The following GAREM2 variants were observed in gnomAD, a reference collection of about 807,000 sequenced individuals.
GAREM2 encodes GRB2-associated and regulator of MAPK protein 2.
In GAREM2, 30 loss-of-function variants were observed where a neutral mutation model predicts 55.6. The ratio of observed to expected loss-of-function variants is 0.54; its 90% CI spans 0.40 to 0.73. The LOEUF is 0.73. Ranked by LOEUF, GAREM2 falls within the 30% of genes least tolerant of loss-of-function variation. GAREM2 has a pLI of 0.00. For synonymous variants in GAREM2, 550 were observed against 569.1 expected, an observed-to-expected ratio of 0.97 and a Z score of 0.48; for missense variants, 1,075 against 1,257.7, an observed-to-expected ratio of 0.85 and a Z score of 2.20.
the GAREM2 span, among the ~76,000 whole-genome samples, chr2:26,198,619 T>C: frequency 2.0e-4 from 30 of 149,948 alleles, no homozygotes; most frequent in African/African-American, 7.4e-4. Context: ...GAGTACAAAA[T>C]AAGATTATAA....
At chr2:26,182,434 C>G (rs745917905) in intron 2 of GAREM2, 3 of 1,550,334 alleles carry the variant, frequency 1.9e-6, no homozygotes, top group South Asian at 2.4e-5. Context: ...CCCTGGTTGG[C>G]CCAGTGCCAC....
rs1164078385 is a variant in GAREM2, at chr2:26,185,275, C to A, written c.1427C>A (p.Ala476Glu). The change falls in exon 4 of 6, where the codon GCG (alanine) becomes GAG (glutamate). Residue 476 changes from alanine to glutamate, a missense_variant and splice_region_variant. By Grantham distance (107) the Ala-to-Glu change is moderately radical (BLOSUM62 -1). Around this residue, in one of 6 missense-constraint regions of GAREM2, gnomAD observed 515 missense variants for 501.5 expected, o/e 1.03. Coordinates refer to ENST00000401533, the MANE Select transcript of GAREM2 (RefSeq NM_001168241.2). ...PPPPVPPKSE[A>E]VKEECRLLNA... Reference sequence around the variant, plus strand: ...CCTCCAGTCCCTCCCAAATCCGAGGCGGTGAGTGAGCGCGCTGGGGGCCGA... The same window carrying A: ...CCTCCAGTCCCTCCCAAATCCGAGGAGGTGAGTGAGCGCGCTGGGGGCCGA... 1 of 1,513,262 alleles carries A rather than the reference C, an allele frequency of 6.6e-7. No homozygotes were observed. The highest frequency in any genetic ancestry group is 2.6e-5 in the East Asian group (1 of 38,110). 93.7% of individuals were successfully genotyped at this position (1,513,262 alleles called of 1,614,324 possible). A position where few individuals can be genotyped will look rare whatever the true frequency, so the allele number is the denominator to read the frequency against.
downstream of GAREM2, among the ~76,000 whole-genome samples, chr2:26,193,293 CTT>C (rs370942158): frequency 4.3e-5 from 5 of 115,162 alleles, no homozygotes; most frequent in Admixed American, 9.6e-5. Context: ...CACATGACAT[CTT>C]TTTTTTTTTT....
At chr2:26,180,323 GTGTTCATGC>G (rs1340832450) in intron 2 of GAREM2, among the ~76,000 whole-genome samples, 1 of 152,216 alleles carries the variant, frequency 6.6e-6, no homozygotes, top group African/African-American at 2.4e-5. Context: ...AATTGTGTGT[GTGTTCATGC>G]TAGGAGCACA....
At chr2:26,192,398 T>C (rs545660610), downstream of GAREM2, 51 of 1,601,936 alleles carry the variant, frequency 3.2e-5, no homozygotes, top group Non-Finnish European at 3.9e-5. Context: ...TCCTGATAGA[T>C]GTAAAAGCCC....
intron 4 of GAREM2, among the ~76,000 whole-genome samples, chr2:26,185,908 G>T (rs917213269): frequency 1.3e-5 from 2 of 152,054 alleles, no homozygotes; most frequent in Non-Finnish European, 2.9e-5. Flanking sequence ...AACCTGTTTT[G>T]ATCTACCTTT....
rs1197553564 is a variant in GAREM2 at position 26,184,568 on chromosome 2, C to T, written c.720C>T (p.Arg240=). 1.9e-5 allele frequency: 30 copies of T among 1,548,016 alleles called. No individual in the cohort carries two copies. Among genetic ancestry groups the T allele is most frequent in the Non-Finnish European group, 8.7e-6 (10 of 1,146,006 alleles). ...AGTGCCAGGGCCGCTTCAGCACTCG[C>T]AGCCCGCTGGAGCTGCAGATGCAAG... is the stretch of plus-strand genomic sequence containing the variant. ...PFQCQGRFST[R]SPLELQMQEG... The change falls in exon 4 of 6, where the codon CGC becomes CGT. Residue 240 remains arginine (R), a synonymous_variant. Transcript: ENST00000401533.
At chr2:26,193,490 C>T (rs537946034), downstream of GAREM2, 89 of 1,125,958 alleles carry the variant, frequency 7.9e-5, no homozygotes, top group Admixed American at 2.9e-4. Flanking sequence ...CTTTCTTCCA[C>T]GAGGGCTTCT....
At position 26,184,909 on chromosome 2, in the gene GAREM2, C is replaced by A; in HGVS notation, c.1061C>A (p.Pro354His). 1 of 1,444,842 alleles carries A rather than the reference C, an allele frequency of 6.9e-7. No individual in the cohort carries two copies. Among genetic ancestry groups the A allele is most frequent in the Admixed American group, 2.9e-5 (1 of 35,038 alleles). 89.5% of individuals were successfully genotyped at this position (1,444,842 alleles called of 1,614,324 possible). ...TCCTACTGCCGCGAGCGCTTCGACC[C>A]CGACGAGTACTCCACGGCCGTGCGC... ...SASYCRERFD[P>H]DEYSTAVREA... The change falls in exon 4 of 6, where the codon CCC becomes CAC. Residue 354 changes from proline (P) to histidine (H), a missense_variant. Physicochemically the swap from Pro to His is moderately conservative, Grantham distance 77. This residue lies in a region of GAREM2 where 170 missense variants were observed against 220.7 expected (regional missense o/e 0.77). Transcript: ENST00000401533.
intron 2 of GAREM2, among the ~76,000 whole-genome samples, chr2:26,178,621 AAAG>A (rs1174059815): frequency 1.3e-5 from 2 of 152,178 alleles, no homozygotes; most frequent in African/African-American, 4.8e-5. Flanking sequence ...GAAAAGAGAA[AAAG>A]AAAGGTTGGG....
the GAREM2 span, among the ~76,000 whole-genome samples, chr2:26,198,795 A>C: frequency 6.6e-6 from 1 of 152,050 alleles, no homozygotes; most frequent in Non-Finnish European, 1.5e-5. Context: ...AACAACTATA[A>C]TCCCAACACT....
At chr2:26,191,140 C>A, downstream of GAREM2, 1 of 1,106,986 alleles carries the variant, frequency 9.0e-7, no homozygotes, top group Non-Finnish European at 1.4e-6. Flanking sequence ...AACCCAGTGC[C>A]GGAGTTTGTC....
Position 26,189,014 on chromosome 2 carries a change from A to C in GAREM2, c.*757A>C, listed in dbSNP as rs1288677542. 1 of 152,194 alleles carries C rather than the reference A, an allele frequency of 6.6e-6. No homozygotes were observed. Among genetic ancestry groups the C allele is most frequent in the Non-Finnish European group, 1.5e-5 (1 of 68,052 alleles). The allele number at this position is 152,194 out of a possible 1,614,324, so 9.4% of individuals were successfully genotyped here. Reference sequence around the variant, plus strand: ...CTTCTGCTCTGACTTTACTGCAGCTAGTCATCCATCCGTCAGGTGGCGTTC... The same window carrying C: ...CTTCTGCTCTGACTTTACTGCAGCTCGTCATCCATCCGTCAGGTGGCGTTC... On this transcript the variant is annotated 3_prime_UTR_variant, in exon 6 of 6. Coordinates refer to ENST00000401533, the MANE Select transcript of GAREM2 (RefSeq NM_001168241.2).
intron 5 of GAREM2, among the ~76,000 whole-genome samples, chr2:26,186,801 C>T (rs1669273838): frequency 6.6e-6 from 1 of 152,170 alleles, no homozygotes; most frequent in African/African-American, 2.4e-5. Context: ...CATGGCGAAA[C>T]TCCATGTCTT....
rs1574594410 is a variant in GAREM2, at chr2:26,186,220, C to T, written c.1460C>T (p.Pro487Leu). 1.3e-6 allele frequency: 2 copies of T among 1,540,340 alleles called. No individual in the cohort carries two copies. The highest frequency in any genetic ancestry group is 2.4e-5 in the South Asian group (2 of 82,166). Residue 487 changes from proline to leucine, a missense_variant, in exon 5 of 6, where the codon CCT (proline) becomes CTT (leucine). Pro to Leu is a moderately conservative substitution (Grantham distance 98). This residue lies in a region of GAREM2 where 515 missense variants were observed against 501.5 expected (regional missense o/e 1.03). Transcript: ENST00000401533. ...GAGGAGTGCCGCCTGCTCAATGCCCCTCCAGTGCCTCCCCGGGGTGGCAAT... is the reference window on the plus strand; with the variant it reads ...GAGGAGTGCCGCCTGCTCAATGCCCTTCCAGTGCCTCCCCGGGGTGGCAAT... ...VKEECRLLNA[P>L]PVPPRGGNGS...
chr2:26,197,110 A>G, the GAREM2 span, among the ~76,000 whole-genome samples: 1 of 152,224 alleles, frequency 6.6e-6, no homozygotes, highest in Admixed American at 6.5e-5. Flanking sequence ...GCAGAGGCTA[A>G]CTGGTATCCT....
downstream of GAREM2, chr2:26,192,543 T>G: frequency 1.4e-6 from 1 of 729,456 alleles, no homozygotes; most frequent in Non-Finnish European, 2.5e-6. Context: ...TCCCAGCACT[T>G]TGGGAGGCCG....
chr2:26,175,534 T>C (rs889480140), intron 1 of GAREM2, among the ~76,000 whole-genome samples: 6 of 151,286 alleles, frequency 4.0e-5, no homozygotes, highest in African/African-American at 1.2e-4. Flanking sequence ...GGGTTGGGGG[T>C]TTCTGGGGAC....
At chr2:26,174,529 C>T (rs1469640320) in intron 1 of GAREM2, among the ~76,000 whole-genome samples, 2 of 152,248 alleles carry the variant, frequency 1.3e-5, no homozygotes, top group African/African-American at 4.8e-5. Context: ...CTACTGTGCA[C>T]CCCATTATAA....
Sources: gnomAD v4.1 joint callset for allele counts (sites outside exome capture counted in the v4.1 genomes callset) on GRCh38, gnomAD v4.1.1 for gene constraint, gnomAD v4.1.1 regional missense constraint, MANE v1.5 for transcripts, NCBI Gene and HGNC (gene_info 2026-07-23, HGNC 2026-07-21) for gene names.